Variants in FGF11 observed in about 807,000 individuals in gnomAD.
FGF11 encodes the protein fibroblast growth factor 11.
In FGF11, 25 loss-of-function variants were observed where a neutral mutation model predicts 25.1. The observed-to-expected ratio is 1.00, with a 90% CI of 0.73 to 1.39. The LOEUF (loss-of-function observed/expected upper bound fraction) is 1.39, where lower values mean the gene tolerates loss of function less well. Ranked by LOEUF, FGF11 falls within the 40% of genes most tolerant of loss-of-function variation. The probability of loss-of-function intolerance (pLI) is 0.00; values close to 1 mark genes in which losing one functional copy is unlikely to be tolerated. For synonymous variants in FGF11, 130 were observed against 128.9 expected (o/e 1.01, Z -0.06); for missense variants, 320 against 311.0 (o/e 1.03, Z -0.22).
Position 7,444,136 on chromosome 17 carries a change from A to G in FGF11, c.*990A>G, listed in dbSNP as rs920542026. ...TTCTCTAAAAATATGATTCTTCCAT[A>G]TAGAATGCTAAGCTTATTTTTACAT... On this transcript the variant is annotated 3_prime_UTR_variant, in exon 5 of 5. Transcript: ENST00000293829. The G allele has an allele frequency of 6.6e-6, 1 of 152,358 alleles. No homozygotes were observed. Among genetic ancestry groups the G allele is most frequent in the Non-Finnish European group, 1.5e-5 (1 of 68,050 alleles). The allele number at this position is 152,358 out of a possible 1,614,324, so 9.4% of individuals were successfully genotyped here.
At chr17:7,441,696 G>A in intron 2 of FGF11, 80 bp from the exon 3 acceptor site, 2 of 1,566,876 alleles carry the variant, frequency 1.3e-6, no homozygotes, top group Non-Finnish European at 1.7e-6. Flanking sequence ...ACCTCTAAGG[G>A]AAAAAGTGGA....
At position 7,442,694 on chromosome 17, in the gene FGF11, C is replaced by A. The variant is rs771075010; in HGVS notation, c.509C>A (p.Ala170Asp). 19 of 1,614,078 alleles carry A rather than the reference C, an allele frequency of 1.2e-5. No individual in the cohort carries two copies. In the Admixed American group the frequency reaches 1.8e-4, roughly 16 times the overall value. ...ALYRQRRSGR[A>D]WYLGLDKEGQ... ...TACCGCCAGCGTCGTTCTGGCCGGG[C>A]CTGGTACCTCGGCCTGGACAAGGAG... Residue 170 changes from alanine to aspartate, a missense_variant, in exon 4 of 5, where the codon GCC becomes GAC. By Grantham distance (126) the Ala-to-Asp change is moderately radical. Coordinates refer to ENST00000293829, the MANE Select transcript of FGF11 (RefSeq NM_004112.4).
At chr17:7,442,500 A>AGGTAG in intron 3 of FGF11, 94 bp from the exon 4 acceptor site, 2 of 1,585,296 alleles carry the variant, frequency 1.3e-6, no homozygotes, top group Non-Finnish European at 1.7e-6. Flanking sequence ...TCCCCCAAAA[A>AGGTAG]GGATTTGTGC....
Position 7,442,572 on chromosome 17 carries a change from T to C in FGF11, c.409-22T>C. On this transcript the variant is annotated intron_variant, in intron 3 of 4. Coordinates refer to ENST00000293829, the MANE Select transcript of FGF11 (RefSeq NM_004112.4). ...TTTATCTCTCTGTCTTTGTGCGCCT[T>C]TCTGGGTCTTTGTCTCCTTAGCCGC... The C allele has an allele frequency of 2.5e-6, 4 of 1,613,864 alleles. No individual in the cohort carries two copies. The South Asian group carries it at 3.3e-5, about 13-fold the overall frequency.
chr17:7,439,469 G>C (rs1267786529), upstream of FGF11: 1 of 544,546 alleles, frequency 1.8e-6, no homozygotes, highest in Non-Finnish European at 3.0e-6. Flanking sequence ...TACGTGAGGG[G>C]GGGGGTCTGG....
chr17:7,441,095 C>G, intron 1 of FGF11: 1 of 377,572 alleles, frequency 2.6e-6, no homozygotes. Flanking sequence ...GATCCCCCAC[C>G]TTCGCAAACA....
chr17:7,441,790 A>G lies in FGF11; in HGVS notation c.319A>G (p.Ile107Val). 1 of 1,608,576 alleles carries G rather than the reference A, an allele frequency of 6.2e-7. No individual in the cohort carries two copies. ...TCCACCTGCAGCCCACTTCAACCTG[A>G]TCCCTGTGGGCCTCCGTGTGGTCAC... ...DTSSFTHFNLIPVGLRVVTIQ... is the reference protein window; with the variant it reads ...DTSSFTHFNLVPVGLRVVTIQ... Residue 107 changes from isoleucine to valine, a missense_variant, in exon 3 of 5, where the codon ATC becomes GTC. By Grantham distance (29) the Ile-to-Val change is conservative. Transcript: ENST00000293829.
chr17:7,442,402 C>T lies in FGF11; in HGVS notation c.409-192C>T, dbSNP rs1908369374. The T allele has an allele frequency of 2.8e-6, 4 of 1,408,746 alleles. No homozygotes were observed. In the Admixed American group the frequency reaches 8.5e-5, roughly 30 times the overall value. 87.3% of individuals were successfully genotyped at this position (1,408,746 alleles called of 1,614,324 possible). On this transcript the variant is annotated intron_variant, in intron 3 of 4. Coordinates refer to ENST00000293829, the MANE Select transcript of FGF11 (RefSeq NM_004112.4). ...TATAGGCATGAGCCACTGTGCTTGG[C>T]CCAGAGCCTAGTTCTTAGCCCTCAG...
chr17:7,438,354 G>A, upstream of FGF11: 1 of 156,784 alleles, frequency 6.4e-6, no homozygotes, highest in Non-Finnish European at 1.4e-5. Flanking sequence ...CCAGCCACCG[G>A]CCCAGTGCTC....
At chr17:7,441,613 G>A in intron 2 of FGF11, 32 bp downstream of exon 2, 3 of 1,613,412 alleles carry the variant, frequency 1.9e-6, no homozygotes, top group Non-Finnish European at 1.7e-6. Flanking sequence ...AGGGTGGGAA[G>A]GGGGAGAATG....
chr17:7,440,789 T>G lies in FGF11; in HGVS notation c.194-682T>G. ...ACGTGACTCAGCCTGCCTCTCCATC[T>G]CCTCAGCTCCCACCCCCCATATCCT... On this transcript the variant is annotated intron_variant, in intron 1 of 4. Transcript: ENST00000293829. This position sits in a 1 kb window ranked among gnomAD's most constrained non-coding sequence, Gnocchi z 5.4. 1.0e-6 allele frequency: 1 copy of G among 986,320 alleles called. No homozygotes were observed. The highest frequency in any genetic ancestry group is 1.2e-6 in the Non-Finnish European group (1 of 830,738). The allele number at this position is 986,320 out of a possible 1,614,324, so 61.1% of individuals were successfully genotyped here. A position where few individuals can be genotyped will look rare whatever the true frequency, so the allele number is the denominator to read the frequency against.
At position 7,440,900 on chromosome 17, in the gene FGF11, G is replaced by T. The variant is rs1033605782; in HGVS notation, c.194-571G>T. 16 of 989,036 alleles carry T rather than the reference G, an allele frequency of 1.6e-5. No homozygotes were observed. The African/African-American group carries it at 2.6e-4, about 16-fold the overall frequency. The allele number at this position is 989,036 out of a possible 1,614,324, so 61.3% of individuals were successfully genotyped here. A position where few individuals can be genotyped will look rare whatever the true frequency, so the allele number is the denominator to read the frequency against. Reference sequence around the variant, plus strand: ...GGGAGAACTGGGCCCCCGGGAGCCAGCGGACTGACAGACAGACAGACAGAC... The same window carrying T: ...GGGAGAACTGGGCCCCCGGGAGCCATCGGACTGACAGACAGACAGACAGAC... On this transcript the variant is annotated intron_variant, in intron 1 of 4. Coordinates refer to ENST00000293829, the MANE Select transcript of FGF11 (RefSeq NM_004112.4). The surrounding 1 kb of genome is among the most constrained non-coding windows in gnomAD (Gnocchi z 5.4).
In FGF11 at chr17:7,440,576, G is replaced by A. The variant is rs1208250525; in HGVS notation, c.193+763G>A. The stretch of plus-strand genomic sequence containing the variant: ...GGAAGTCGGCAGAGAGCAAGCGATG[G>A]GGGAGGAGAGTTGTGAGAGTTAGAA... On this transcript the variant is annotated intron_variant, in intron 1 of 4. Transcript: ENST00000293829. This position sits in a 1 kb window ranked among gnomAD's most constrained non-coding sequence, Gnocchi z 5.4. 2 of 814,196 alleles carry A rather than the reference G, an allele frequency of 2.5e-6. No homozygotes were observed. The highest frequency in any genetic ancestry group is 3.7e-5 in the African/African-American group (2 of 53,796). 50.4% of individuals were successfully genotyped at this position (814,196 alleles called of 1,614,324 possible).
chr17:7,439,910 C>G, intron 1 of FGF11, 97 bp downstream of exon 1: 2 of 1,067,730 alleles, frequency 1.9e-6, no homozygotes. Flanking sequence ...CTGAGGGGCT[C>G]CCCGAAAGTG....
intron 1 of FGF11, chr17:7,441,212 G>A: frequency 2.4e-6 from 1 of 420,040 alleles, no homozygotes; most frequent in Non-Finnish European, 4.4e-6. Context: ...GAGCTGTAGG[G>A]TAGGAATTAA....
chr17:7,443,078 G>A lies in FGF11; in HGVS notation c.610G>A (p.Ala204Thr). 1.2e-6 allele frequency: 2 copies of A among 1,611,506 alleles called. No individual in the cohort carries two copies. The highest frequency in any genetic ancestry group is 1.7e-6 in the Non-Finnish European group (2 of 1,177,936). ...TCCTCTCTTTCTCCCCTTCACAGTG[G>A]CCATGTACCAGGAGCCTTCTCTCCA... The part of the protein sequence containing the change: ...AHFLPKLLEV[A>T]MYQEPSLHSV... Residue 204 changes from alanine to threonine, a missense_variant and splice_region_variant, in exon 5 of 5, where the codon GCC (alanine) becomes ACC (threonine). Physicochemically the swap from Ala to Thr is moderately conservative, Grantham distance 58 (BLOSUM62 0). Coordinates refer to ENST00000293829, the MANE Select transcript of FGF11 (RefSeq NM_004112.4).
chr17:7,439,674 C>CG lies in FGF11; in HGVS notation c.59dup (p.Ser21GlnfsTer110). ...GGCAGAAGCGGGAGGTCCGCGAGCCCGGGGGCAGCCGGCCGGTGTCGGCGC... is the reference window on the plus strand; with the variant it reads ...GGCAGAAGCGGGAGGTCCGCGAGCCCGGGGGGCAGCCGGCCGGTGTCGGCGC... On this transcript the variant is annotated frameshift_variant, in exon 1 of 5. Coordinates refer to ENST00000293829, the MANE Select transcript of FGF11 (RefSeq NM_004112.4). LOFTEE classifies it high-confidence loss of function. 1 of 1,532,744 alleles carries CG rather than the reference C, an allele frequency of 6.5e-7. No individual in the cohort carries two copies. Among genetic ancestry groups the CG allele is most frequent in the South Asian group, 1.2e-5 (1 of 81,092 alleles). The allele number at this position is 1,532,744 out of a possible 1,614,324, so 94.9% of individuals were successfully genotyped here.
rs1000283469 is a variant in FGF11 at position 7,440,891 on chromosome 17, C to G, written c.194-580C>G. 3 of 989,784 alleles carry G rather than the reference C, an allele frequency of 3.0e-6. No individual in the cohort carries two copies. The highest frequency in any genetic ancestry group is 3.6e-6 in the Non-Finnish European group (3 of 832,776). The allele number at this position is 989,784 out of a possible 1,614,324, so 61.3% of individuals were successfully genotyped here. Reference sequence around the variant, plus strand: ...TGAGCCTCAGGGAGAACTGGGCCCCCGGGAGCCAGCGGACTGACAGACAGA... The same window carrying G: ...TGAGCCTCAGGGAGAACTGGGCCCCGGGGAGCCAGCGGACTGACAGACAGA... On this transcript the variant is annotated intron_variant, in intron 1 of 4. Coordinates refer to ENST00000293829, the MANE Select transcript of FGF11 (RefSeq NM_004112.4). The surrounding 1 kb of genome is among the most constrained non-coding windows in gnomAD (Gnocchi z 5.4).
rs1182384238 is a variant in FGF11, at chr17:7,440,895, A to C, written c.194-576A>C. 2 of 989,286 alleles carry C rather than the reference A, an allele frequency of 2.0e-6. No individual in the cohort carries two copies. The highest frequency in any genetic ancestry group is 2.4e-6 in the Non-Finnish European group (2 of 832,506). The allele number at this position is 989,286 out of a possible 1,614,324, so 61.3% of individuals were successfully genotyped here. ...CCTCAGGGAGAACTGGGCCCCCGGG[A>C]GCCAGCGGACTGACAGACAGACAGA... On this transcript the variant is annotated intron_variant, in intron 1 of 4. Coordinates refer to ENST00000293829, the MANE Select transcript of FGF11 (RefSeq NM_004112.4). The surrounding 1 kb of genome is among the most constrained non-coding windows in gnomAD (Gnocchi z 5.4).
Sources: allele counts gnomAD v4.1 joint callset, GRCh38; gene constraint gnomAD v4.1.1; non-coding constraint Gnocchi (gnomAD v3.1); transcripts MANE v1.5; gene names NCBI Gene and HGNC (gene_info 2026-07-23, HGNC 2026-07-21).